Variants in RASA3 observed in about 807,000 individuals in gnomAD.
RASA3 encodes the protein ras GTPase-activating protein 3.
RASA3 carries 73 observed loss-of-function variants against 110.0 expected under a neutral mutation model. The ratio of observed to expected loss-of-function variants is 0.66; its 90% CI spans 0.55 to 0.81. RASA3 has a LOEUF of 0.81. RASA3 is among the 30% of genes least tolerant of loss of function. The pLI, the probability that RASA3 is intolerant of heterozygous loss-of-function variation, is 0.00. For synonymous variants in RASA3, 500 were observed against 451.4 expected, an observed-to-expected ratio of 1.11 and a Z score of -1.37; for missense variants, 976 against 1,113.2, an observed-to-expected ratio of 0.88 and a Z score of 1.75.
Position 114,016,221 on chromosome 13 carries a change from G to T in RASA3, c.1257C>A (p.Asp419Glu), listed in dbSNP as rs139392233. The T allele has an allele frequency of 2.5e-6, 4 of 1,599,836 alleles. No homozygotes were observed. The highest frequency in any genetic ancestry group is 2.6e-6 in the Non-Finnish European group (3 of 1,167,104). ...CCATGTTGTTTTCAAGGTTTTCTCC[G>T]TCTTTCAACTTCACAGGGTCGATTT... ...PCEIDPVKLKDGENLENNMEN... is the reference protein window; with the variant it reads ...PCEIDPVKLKEGENLENNMEN... Residue 419 changes from aspartate (D) to glutamate (E), a missense_variant, in exon 13 of 24, where the codon GAC becomes GAA. By Grantham distance (45) the Asp-to-Glu change is conservative. Transcript: ENST00000334062.
Position 114,096,846 on chromosome 13 carries a change from C to A in RASA3, c.56-23009G>T, listed in dbSNP as rs2079951401. 6.6e-6 allele frequency among the ~76,000 whole-genome samples: 1 copy of A among 152,160 alleles called. No individual in the cohort carries two copies. The highest frequency in any genetic ancestry group is 1.5e-5 in the Non-Finnish European group (1 of 68,034). ...TGTGTCCAGGCCGATCTCGCTGCTC[C>A]CTCGGACGTACTCGCCCTACACCCC... is the stretch of plus-strand genomic sequence containing the variant. On this transcript the variant is annotated intron_variant, in intron 1 of 23. Coordinates refer to ENST00000334062, the MANE Select transcript of RASA3 (RefSeq NM_007368.4). The surrounding 1 kb of genome is among the most constrained non-coding windows in gnomAD (Gnocchi z 5.1).
rs748180246 is a variant in RASA3 at position 114,016,225 on chromosome 13, T to C, written c.1253A>G (p.Lys418Arg). The C allele has an allele frequency of 8.1e-6, 13 of 1,601,496 alleles. No homozygotes were observed. Among genetic ancestry groups the C allele is most frequent in the Middle Eastern group, 1.7e-4 (1 of 6,052 alleles). Residue 418 changes from lysine to arginine, a missense_variant, in exon 13 of 24, where the codon AAA becomes AGA. Physicochemically the swap from Lys to Arg is conservative, Grantham distance 26. Transcript: ENST00000334062. ...KPCEIDPVKL[K>R]DGENLENNME... ...GTTGTTTTCAAGGTTTTCTCCGTCT[T>C]TCAACTTCACAGGGTCGATTTCACA...
chr13:114,122,953 C>A (rs2080398016), intron 1 of RASA3, among the ~76,000 whole-genome samples: 1 of 152,198 alleles, frequency 6.6e-6, no homozygotes, highest in African/African-American at 2.4e-5. Context: ...AGCCTCCTTT[C>A]TGAGGAAGCG....
chr13:114,121,202 G>A (rs543088972), intron 1 of RASA3, among the ~76,000 whole-genome samples: 1 of 152,244 alleles, frequency 6.6e-6, no homozygotes, highest in Non-Finnish European at 1.5e-5. Flanking sequence ...CCAGCACTGC[G>A]GCCGGGGGCA....
chr13:114,105,346 C>A lies in RASA3; in HGVS notation c.55+27089G>T, dbSNP rs1594461577. Reference sequence around the variant, plus strand: ...GCTCACTGGGCAGCCGTGTGACCAGCAAGCAGAGGCAGGTTCACAGCAGCA... The same window carrying A: ...GCTCACTGGGCAGCCGTGTGACCAGAAAGCAGAGGCAGGTTCACAGCAGCA... On this transcript the variant is annotated intron_variant, in intron 1 of 23. Coordinates refer to ENST00000334062, the MANE Select transcript of RASA3 (RefSeq NM_007368.4). 2.9e-5 allele frequency among the ~76,000 whole-genome samples: 4 copies of A among 138,088 alleles called. No homozygotes were observed. The East Asian group carries it at 9.6e-4, about 33-fold the overall frequency. 90.6% of individuals were successfully genotyped at this position (138,088 alleles called of 152,430 possible).
At chr13:114,116,923 AGCACGTGTGTGAGGG>A in intron 1 of RASA3, among the ~76,000 whole-genome samples, 1 of 48,546 alleles carries the variant, frequency 2.1e-5, no homozygotes, top group African/African-American at 8.3e-5. Context: ...GTGAGGGGTG[AGCACGTGTGTGAGGG>A]GAGCACGTGT....
intron 1 of RASA3, among the ~76,000 whole-genome samples, chr13:114,104,834 C>T (rs975383250): frequency 6.6e-6 from 1 of 151,564 alleles, no homozygotes; most frequent in African/African-American, 2.4e-5. Context: ...CACACATGCT[C>T]ACCCCTCCCT....
At chr13:114,122,312 G>A (rs1202581706) in intron 1 of RASA3, among the ~76,000 whole-genome samples, 6 of 152,234 alleles carry the variant, frequency 3.9e-5, no homozygotes, top group African/African-American at 1.4e-4. Flanking sequence ...AACCAGCCCT[G>A]TTGGAGCATC....
chr13:114,002,894 C>T (rs1394334702), intron 18 of RASA3, among the ~76,000 whole-genome samples: 1 of 152,248 alleles, frequency 6.6e-6, no homozygotes, highest in Non-Finnish European at 1.5e-5. Context: ...GCCAACTCAA[C>T]TCAGCAAACA....
At chr13:114,018,460 A>AC (rs762622562) in intron 10 of RASA3, among the ~76,000 whole-genome samples, 12 of 151,022 alleles carry the variant, frequency 7.9e-5, no homozygotes, top group East Asian at 5.9e-4. Flanking sequence ...CCTTCTAGCG[A>AC]CCCCCCCATG....
At chr13:114,119,901 C>CT in intron 1 of RASA3, among the ~76,000 whole-genome samples, 1 of 50,156 alleles carries the variant, frequency 2.0e-5, no homozygotes, top group African/African-American at 7.0e-5. Context: ...CGATCAGGGC[C>CT]CCCCTCCCCT....
At chr13:114,042,700 A>G (rs948209341) in intron 3 of RASA3, among the ~76,000 whole-genome samples, 6 of 152,182 alleles carry the variant, frequency 3.9e-5, no homozygotes, top group Non-Finnish European at 7.3e-5. Context: ...AGATCCTTTT[A>G]TATTTCCGTG....
chr13:113,999,119 GCGT>G (rs2053324130), intron 20 of RASA3, among the ~76,000 whole-genome samples: 1 of 50,134 alleles, frequency 2.0e-5, no homozygotes, highest in African/African-American at 8.2e-5. Context: ...CCCGGGTCAA[GCGT>G]GACCGGGGAA....
Position 113,992,524 on chromosome 13 carries a change from G to A in RASA3, c.2206C>T (p.Leu736Phe), listed in dbSNP as rs781019788. Residue 736 changes from leucine (L) to phenylalanine (F), a missense_variant, in exon 22 of 24, where the codon CTC becomes TTC. Coordinates refer to ENST00000334062, the MANE Select transcript of RASA3 (RefSeq NM_007368.4). ...AGCTTGCTCATGTACAAGTTGAAGA[G>A]GGAGTAGATACGCTCCGTCTCACGG... ...GDRETERIYS[L>F]FNLYMSKLEK... 2.5e-5 allele frequency: 40 copies of A among 1,613,474 alleles called. No individual in the cohort carries two copies. The highest frequency in any genetic ancestry group is 3.2e-5 in the Non-Finnish European group (38 of 1,179,962).
At chr13:113,993,387 G>A (rs971636441) in intron 21 of RASA3, among the ~76,000 whole-genome samples, 8 of 151,978 alleles carry the variant, frequency 5.3e-5, no homozygotes, top group Admixed American at 2.0e-4. Context: ...TGTTGGCCAG[G>A]CTGGTCTTGA....
rs756051488 is a variant in RASA3 at position 114,108,968 on chromosome 13, G to A, written c.55+23467C>T. 14 of 152,348 alleles carry A rather than the reference G, an allele frequency of 9.2e-5. No homozygotes were observed. The South Asian group carries it at 1.9e-3, about 20-fold the overall frequency. The allele number at this position is 152,348 out of a possible 1,614,324, so 9.4% of individuals were successfully genotyped here. A position where few individuals can be genotyped will look rare whatever the true frequency, so the allele number is the denominator to read the frequency against. On this transcript the variant is annotated intron_variant, in intron 1 of 23. Transcript: ENST00000334062. ...GGCGAGGCTGCCGTGGGCTCCCGGC[G>A]GACGGTGGCAGGGCAGGCCCAGGTC...
rs549979376 is a variant in RASA3, at chr13:114,031,112, T to C, written c.373-1225A>G. 6.5e-5 allele frequency among the ~76,000 whole-genome samples: 5 copies of C among 76,630 alleles called. No homozygotes were observed. The East Asian group carries it at 1.7e-3, about 26-fold the overall frequency. The allele number at this position is 76,630 out of a possible 152,430, so 50.3% of individuals were successfully genotyped here. A position where few individuals can be genotyped will look rare whatever the true frequency, so the allele number is the denominator to read the frequency against. On this transcript the variant is annotated intron_variant, in intron 4 of 23. Coordinates refer to ENST00000334062, the MANE Select transcript of RASA3 (RefSeq NM_007368.4). The stretch of plus-strand genomic sequence containing the variant: ...GTGTGTGCATGTGATTGTGTGTATC[T>C]GCTTGTATGTGTCCACCTGTGTGCA...
chr13:114,040,176 C>T (rs1008656174), intron 4 of RASA3, among the ~76,000 whole-genome samples: 7 of 152,186 alleles, frequency 4.6e-5, no homozygotes, highest in Non-Finnish European at 1.0e-4. Flanking sequence ...AATCCATGCA[C>T]GGAGCCCAGG....
At chr13:114,001,700 A>G (rs1028006608) in intron 18 of RASA3, among the ~76,000 whole-genome samples, 6 of 151,662 alleles carry the variant, frequency 4.0e-5, no homozygotes, top group Admixed American at 3.3e-4. Flanking sequence ...ACGCTCACAC[A>G]CGGAGGACCT....
Sources: allele counts gnomAD v4.1 joint callset (sites outside exome capture counted in the v4.1 genomes callset), GRCh38; gene constraint gnomAD v4.1.1; non-coding constraint Gnocchi (gnomAD v3.1); transcripts MANE v1.5; gene names NCBI Gene and HGNC (gene_info 2026-07-23, HGNC 2026-07-21).